Variants in SNTG1 observed in about 807,000 individuals in gnomAD.
The protein encoded by SNTG1 is gamma-1-syntrophin.
In SNTG1, 39 loss-of-function variants were observed where a neutral mutation model predicts 74.7. That is an observed-to-expected ratio of 0.52 (90% CI 0.40 to 0.68). SNTG1 has a LOEUF of 0.68. Ranked by LOEUF, SNTG1 falls within the 30% of genes least tolerant of loss-of-function variation. The probability of loss-of-function intolerance (pLI) is 0.00; values close to 1 mark genes in which losing one functional copy is unlikely to be tolerated. For missense variants in SNTG1, 685 were observed against 609.5 expected, an observed-to-expected ratio of 1.12 and a Z score of -1.30; for synonymous variants, 254 against 217.1, an observed-to-expected ratio of 1.17 and a Z score of -1.49.
At chr8:50,469,372 T>C (rs1467496929) in intron 8 of SNTG1, among the ~76,000 whole-genome samples, 1 of 151,476 alleles carries the variant, frequency 6.6e-6, no homozygotes, top group Non-Finnish European at 1.5e-5. Context: ...CCTATTCCCC[T>C]GCTGCGTGTC....
At chr8:50,302,453 C>A (rs866561466) in intron 2 of SNTG1, among the ~76,000 whole-genome samples, 2 of 152,128 alleles carry the variant, frequency 1.3e-5, no homozygotes, top group Non-Finnish European at 2.9e-5. Context: ...ATCAAGACTG[C>A]CACCTTCTGT....
chr8:50,604,453 A>AG (rs2094797828), intron 13 of SNTG1, among the ~76,000 whole-genome samples: 1 of 151,994 alleles, frequency 6.6e-6, no homozygotes, highest in Non-Finnish European at 1.5e-5. Flanking sequence ...CCTTAGAAAT[A>AG]TACCTGGTGT....
chr8:50,556,349 G>C (rs2094455509), intron 12 of SNTG1, among the ~76,000 whole-genome samples: 1 of 152,054 alleles, frequency 6.6e-6, no homozygotes, highest in Non-Finnish European at 1.5e-5. Context: ...GTGGGGTTCA[G>C]CTCATTTCTT....
chr8:50,633,700 G>A (rs906877802), intron 13 of SNTG1, among the ~76,000 whole-genome samples: 1 of 152,144 alleles, frequency 6.6e-6, no homozygotes, highest in Non-Finnish European at 1.5e-5. Flanking sequence ...ACGAGCTGGG[G>A]AACTTTGTGT....
intron 2 of SNTG1, among the ~76,000 whole-genome samples, chr8:50,266,969 T>C (rs933422248): frequency 6.6e-6 from 1 of 152,014 alleles, no homozygotes; most frequent in Non-Finnish European, 1.5e-5. Flanking sequence ...AGAAGCTGTC[T>C]GTAAAGAACA....
chr8:49,944,723 T>G (rs975746953), intron 1 of SNTG1, among the ~76,000 whole-genome samples: 1 of 148,514 alleles, frequency 6.7e-6, no homozygotes, highest in African/African-American at 2.5e-5. Flanking sequence ...AAACAAAGTA[T>G]AATAATAAAA....
At chr8:50,749,675 T>C (rs2095562823) in intron 17 of SNTG1, among the ~76,000 whole-genome samples, 1 of 152,014 alleles carries the variant, frequency 6.6e-6, no homozygotes, top group African/African-American at 2.4e-5. Flanking sequence ...TTAAGAATTG[T>C]GCTAAATCTA....
At chr8:50,165,056 C>T (rs939911670) in intron 1 of SNTG1, among the ~76,000 whole-genome samples, 1 of 152,160 alleles carries the variant, frequency 6.6e-6, no homozygotes, top group African/African-American at 2.4e-5. Flanking sequence ...ATCTCCCACA[C>T]ACACACACAA....
rs546599746 is a variant in SNTG1, at chr8:50,183,690, C to T, written c.-28+11055C>T. Among the ~76,000 whole-genome samples the T allele has an allele frequency of 1.4e-4, 22 of 152,276 alleles. No homozygotes were observed. In the East Asian group the frequency reaches 4.3e-3, roughly 29 times the overall value. ...AATTTCTATCTGCTTCCCCAAGTAG[C>T]AAAATATGACTCAAAGAAAACATAC... On this transcript the variant is annotated intron_variant, in intron 2 of 18. Coordinates refer to ENST00000642720, the MANE Select transcript of SNTG1 (RefSeq NM_018967.5).
At chr8:50,687,766 C>T (rs1379135214) in intron 15 of SNTG1, among the ~76,000 whole-genome samples, 1 of 152,132 alleles carries the variant, frequency 6.6e-6, no homozygotes, top group Non-Finnish European at 1.5e-5. Context: ...GTTCCTCTTC[C>T]TGTGTCCATG....
intron 1 of SNTG1, among the ~76,000 whole-genome samples, chr8:50,016,458 G>A (rs968064387): frequency 5.3e-5 from 8 of 152,020 alleles, no homozygotes; most frequent in African/African-American, 1.4e-4. Flanking sequence ...AGTTGTAAGG[G>A]GACAACTTAG....
intron 1 of SNTG1, among the ~76,000 whole-genome samples, chr8:50,091,666 T>G (rs2079743018): frequency 6.6e-6 from 1 of 152,172 alleles, no homozygotes; most frequent in Non-Finnish European, 1.5e-5. Flanking sequence ...TGTGTATGTA[T>G]CATGATTCTA....
At chr8:50,390,795 A>G (rs1364630551) in intron 2 of SNTG1, among the ~76,000 whole-genome samples, 1 of 152,108 alleles carries the variant, frequency 6.6e-6, no homozygotes, top group Admixed American at 6.5e-5. Context: ...CATCCCTTGT[A>G]AGTTGGATTC....
chr8:50,264,984 A>C (rs2087390312), intron 2 of SNTG1, among the ~76,000 whole-genome samples: 1 of 152,158 alleles, frequency 6.6e-6, no homozygotes, highest in Non-Finnish European at 1.5e-5. Flanking sequence ...TGAACCAATA[A>C]TTTTAAAAAC....
intron 1 of SNTG1, among the ~76,000 whole-genome samples, chr8:49,917,461 G>A (rs1272490142): frequency 1.3e-5 from 2 of 152,204 alleles, no homozygotes. Flanking sequence ...GGCAAGGAAT[G>A]TGAAGTCTCT....
At chr8:50,188,026 A>G (rs2083444752) in intron 2 of SNTG1, among the ~76,000 whole-genome samples, 1 of 152,172 alleles carries the variant, frequency 6.6e-6, no homozygotes, top group South Asian at 2.1e-4. Flanking sequence ...CAATACTTGG[A>G]TATGATAGTA....
intron 2 of SNTG1, among the ~76,000 whole-genome samples, chr8:50,272,648 G>T (rs779705222): frequency 1.3e-5 from 2 of 152,176 alleles, no homozygotes; most frequent in Non-Finnish European, 2.9e-5. Context: ...TTAAGCACTA[G>T]TATCAGACTA....
chr8:50,320,398 C>G (rs1236077511), intron 2 of SNTG1, among the ~76,000 whole-genome samples: 2 of 151,722 alleles, frequency 1.3e-5, no homozygotes, highest in Non-Finnish European at 2.9e-5. Flanking sequence ...GGATTTTTTT[C>G]TCTTTTTTTC....
At chr8:50,281,098 A>C (rs969417315) in intron 2 of SNTG1, among the ~76,000 whole-genome samples, 1 of 152,178 alleles carries the variant, frequency 6.6e-6, no homozygotes, top group African/African-American at 2.4e-5. Flanking sequence ...GAACTGCAAG[A>C]CTATTTCAAA....
Sources: allele counts gnomAD v4.1 joint callset (sites outside exome capture counted in the v4.1 genomes callset), GRCh38; gene constraint gnomAD v4.1.1; transcripts MANE v1.5; gene names NCBI Gene and HGNC (gene_info 2026-07-23, HGNC 2026-07-21).